Variants in CHRM3 observed in about 807,000 individuals in gnomAD.
The protein encoded by CHRM3 is cholinergic receptor muscarinic 3.
CHRM3 carries 11 observed loss-of-function variants against 41.8 expected under a neutral mutation model. The ratio of observed to expected loss-of-function variants is 0.26; its 90% confidence interval spans 0.17 to 0.44. The LOEUF is 0.44. Ranked by LOEUF, CHRM3 falls within the 20% of genes least tolerant of loss-of-function variation. The pLI, the probability that CHRM3 is intolerant of heterozygous loss-of-function variation, is 1.00. For synonymous variants in CHRM3, 297 were observed against 301.4 expected (o/e 0.99, Z 0.15); for missense variants, 571 against 745.4 (o/e 0.77, Z 2.72).
At chr1:239,869,899 A>C (rs1210338020) in intron 6 of CHRM3, among the ~76,000 whole-genome samples, 1 of 152,204 alleles carries the variant, frequency 6.6e-6, no homozygotes, top group East Asian at 1.9e-4. Context: ...TGGGGAAAGA[A>C]GAATCTACAA....
In CHRM3 at chr1:239,539,117, T is replaced by A. The variant is rs143680352; in HGVS notation, c.-421-6524T>A. The stretch of plus-strand genomic sequence containing the variant: ...TCAGATGTAAAACTCTGGACATAAC[T>A]GCTGTGGGGAAGAAAAGCCACCCAC... On this transcript the variant is annotated intron_variant, in intron 2 of 6. Coordinates refer to ENST00000676153, the MANE Select transcript of CHRM3 (RefSeq NM_001375978.1). Among the ~76,000 whole-genome samples the A allele has an allele frequency of 2.4e-4, 36 of 152,298 alleles. No individual in the cohort carries two copies. The East Asian group carries it at 5.6e-3, about 24-fold the overall frequency.
chr1:239,708,576 T>G (rs1661418101), intron 5 of CHRM3, among the ~76,000 whole-genome samples: 1 of 152,040 alleles, frequency 6.6e-6, no homozygotes, highest in Non-Finnish European at 1.5e-5. Flanking sequence ...ATCTCCTTTA[T>G]TTTTCTCCGC....
intron 6 of CHRM3, among the ~76,000 whole-genome samples, chr1:239,834,830 G>A (rs1231611014): frequency 3.9e-5 from 6 of 152,058 alleles, no homozygotes; most frequent in Non-Finnish European, 8.8e-5. Flanking sequence ...CACACTCAAT[G>A]TAACAAAGTT....
chr1:239,407,280 C>T (rs543934153), intron 1 of CHRM3, among the ~76,000 whole-genome samples: 1 of 152,214 alleles, frequency 6.6e-6, no homozygotes, highest in South Asian at 2.1e-4. Flanking sequence ...CATTCACCAT[C>T]TTCTGAATCT....
rs538240605 is a variant in CHRM3, at chr1:239,428,746, A to G, written c.-521+41519A>G. ...CCAAACAACTACAGCAAAATTTATA[A>G]TATGCCAGCATAACTCTATTTATCA... On this transcript the variant is annotated intron_variant, in intron 1 of 6. Transcript: ENST00000676153. Among the ~76,000 whole-genome samples the G allele has an allele frequency of 1.0e-3, 154 of 152,228 alleles. 2 individuals carry two copies. The highest frequency in any genetic ancestry group is 2.1e-3 in the Admixed American group (32 of 15,284).
intron 5 of CHRM3, among the ~76,000 whole-genome samples, chr1:239,780,162 G>T (rs1203561388): frequency 6.6e-6 from 1 of 152,202 alleles, no homozygotes; most frequent in Non-Finnish European, 1.5e-5. Flanking sequence ...GTGATTGCCA[G>T]ATTGTATAGT....
intron 3 of CHRM3, among the ~76,000 whole-genome samples, chr1:239,562,973 G>A (rs112077324): frequency 9.9e-5 from 15 of 151,410 alleles, no homozygotes; most frequent in African/African-American, 2.4e-4. Flanking sequence ...TACAGGTAGC[G>A]AAATGGAATA....
intron 1 of CHRM3, among the ~76,000 whole-genome samples, chr1:239,476,300 T>C (rs912091727): frequency 2.0e-5 from 3 of 152,024 alleles, no homozygotes; most frequent in Non-Finnish European, 4.4e-5. Flanking sequence ...ACCCCGTCTC[T>C]ACTAAAGATA....
At chr1:239,532,472 A>G (rs1183932783) in intron 2 of CHRM3, among the ~76,000 whole-genome samples, 1 of 151,224 alleles carries the variant, frequency 6.6e-6, no homozygotes, top group African/African-American at 2.4e-5. Flanking sequence ...CTAAAGTACA[A>G]AAATTAGCCG....
intron 1 of CHRM3, among the ~76,000 whole-genome samples, chr1:239,400,582 T>G (rs1244783791): frequency 1.3e-5 from 2 of 152,216 alleles, no homozygotes; most frequent in South Asian, 4.1e-4. Flanking sequence ...TTCAGAGTTT[T>G]GGGCCTTAAA....
rs190004809 is a variant in CHRM3, at chr1:239,738,475, G to C, written c.-147+60187G>C. ...TTATCCCAAGGCCAGGCTCAGGGGG[G>C]GTTTGGGAGTCCAGGAAGCATGTAC... On this transcript the variant is annotated intron_variant, in intron 5 of 6. Transcript: ENST00000676153. Among the ~76,000 whole-genome samples, 89 of 152,286 alleles carry C rather than the reference G, an allele frequency of 5.8e-4. 1 individual carries two copies. In the East Asian group the frequency reaches 0.016, roughly 28 times the overall value.
chr1:239,408,544 A>C (rs941691454), intron 1 of CHRM3, among the ~76,000 whole-genome samples: 14 of 149,402 alleles, frequency 9.4e-5, no homozygotes, highest in African/African-American at 3.0e-4. Flanking sequence ...AAAAAAAAAA[A>C]CTCTCTCCTT....
At chr1:239,646,050 C>T (rs189304923) in intron 4 of CHRM3, among the ~76,000 whole-genome samples, 1 of 152,022 alleles carries the variant, frequency 6.6e-6, no homozygotes, top group Admixed American at 6.5e-5. Context: ...AAATTCAAAG[C>T]ACATAGAAGA....
chr1:239,889,454 G>C (rs551580116), intron 6 of CHRM3, among the ~76,000 whole-genome samples: 5 of 152,130 alleles, frequency 3.3e-5, no homozygotes, highest in Non-Finnish European at 7.3e-5. Flanking sequence ...CCCCTAGGTA[G>C]CCCTTTTCTA....
chr1:239,665,593 C>T (rs1167636175), intron 4 of CHRM3, among the ~76,000 whole-genome samples: 1 of 152,056 alleles, frequency 6.6e-6, no homozygotes, highest in Non-Finnish European at 1.5e-5. Context: ...CATAGGTATA[C>T]ACGTGCCATG....
intron 5 of CHRM3, among the ~76,000 whole-genome samples, chr1:239,739,826 T>C (rs1315482977): frequency 2.0e-5 from 3 of 152,310 alleles, no homozygotes; most frequent in Non-Finnish European, 1.5e-5. Flanking sequence ...TACATTTGGA[T>C]TGTTCTTGCA....
chr1:239,430,077 C>T (rs1165599656), intron 1 of CHRM3, among the ~76,000 whole-genome samples: 1 of 150,584 alleles, frequency 6.6e-6, no homozygotes, highest in Non-Finnish European at 1.5e-5. Flanking sequence ...AGGCAATTCT[C>T]TGCCTCAGCC....
intron 1 of CHRM3, among the ~76,000 whole-genome samples, chr1:239,449,672 T>C (rs1273594356): frequency 6.6e-6 from 1 of 152,136 alleles, no homozygotes; most frequent in African/African-American, 2.4e-5. Context: ...CAGTATTTAC[T>C]GTACTTAAAG....
At position 239,907,284 on chromosome 1, in the gene CHRM3, T is replaced by C. The variant is rs1038106025; in HGVS notation, c.-19-149T>C. 3 of 614,106 alleles carry C rather than the reference T, an allele frequency of 4.9e-6. No individual in the cohort carries two copies. The African/African-American group carries it at 5.5e-5, about 11-fold the overall frequency. The allele number at this position is 614,106 out of a possible 1,614,324, so 38.0% of individuals were successfully genotyped here. ...CTGTCTGCCCTAGACTCCACTTATT[T>C]AAAATAAGAGAATGAACTTGATGTT... On this transcript the variant is annotated intron_variant, in intron 6 of 6. Transcript: ENST00000676153. The surrounding 1 kb of genome is among the most constrained non-coding windows in gnomAD (Gnocchi z 5.4).
Sources: allele counts gnomAD v4.1 joint callset (sites outside exome capture counted in the v4.1 genomes callset), GRCh38; gene constraint gnomAD v4.1.1; non-coding constraint Gnocchi (gnomAD v3.1); transcripts MANE v1.5; gene names NCBI Gene and HGNC (gene_info 2026-07-23, HGNC 2026-07-21).